Variants in PDLIM5 observed in about 807,000 individuals in gnomAD.
PDLIM5 encodes PDZ and LIM domain 5.
A neutral mutation model predicts 64.2 loss-of-function variants in PDLIM5; 34 were observed. The observed-to-expected ratio is 0.53, with a 90% CI of 0.40 to 0.71. The LOEUF is 0.71. Ranked by LOEUF, PDLIM5 falls within the 30% of genes least tolerant of loss-of-function variation. The pLI, the probability that PDLIM5 is intolerant of heterozygous loss-of-function variation, is 0.00. For synonymous variants in PDLIM5, 253 were observed against 269.1 expected, an observed-to-expected ratio of 0.94 and a Z score of 0.59; for missense variants, 683 against 733.6, an observed-to-expected ratio of 0.93 and a Z score of 0.80.
intron 7 of PDLIM5, among the ~76,000 whole-genome samples, chr4:94,602,486 T>C (rs944419564): frequency 5.9e-5 from 9 of 151,376 alleles, no homozygotes; most frequent in Non-Finnish European, 1.2e-4. Context: ...GGAGTTTCGC[T>C]CTCTCATCCA....
chr4:94,496,821 C>T (rs1018059470), intron 2 of PDLIM5, among the ~76,000 whole-genome samples: 1 of 152,176 alleles, frequency 6.6e-6, no homozygotes. Context: ...AATGAACTGA[C>T]AATTCACTGC....
chr4:94,464,218 T>C (rs1458669792), intron 2 of PDLIM5, among the ~76,000 whole-genome samples: 1 of 152,180 alleles, frequency 6.6e-6, no homozygotes, highest in Non-Finnish European at 1.5e-5. Context: ...TTCCCCAAGG[T>C]CCAGAGATTG....
At chr4:94,534,227 A>C (rs1731128903) in intron 3 of PDLIM5, among the ~76,000 whole-genome samples, 1 of 152,138 alleles carries the variant, frequency 6.6e-6, no homozygotes, top group Non-Finnish European at 1.5e-5. Flanking sequence ...TTTTTCTCTC[A>C]TTTTATATTC....
chr4:94,496,864 A>G (rs1464162762), intron 2 of PDLIM5, among the ~76,000 whole-genome samples: 1 of 152,240 alleles, frequency 6.6e-6, no homozygotes, highest in Admixed American at 6.5e-5. Flanking sequence ...TAATCCTAAA[A>G]ATGAGAGCAT....
intron 2 of PDLIM5, among the ~76,000 whole-genome samples, chr4:94,507,232 G>GAT (rs368977843): frequency 2.9e-4 from 44 of 150,884 alleles, no homozygotes; most frequent in South Asian, 1.5e-3. Flanking sequence ...ATATATATGG[G>GAT]ATATATATAT....
intron 3 of PDLIM5, among the ~76,000 whole-genome samples, chr4:94,529,339 T>C (rs1001001294): frequency 6.6e-5 from 10 of 152,154 alleles, no homozygotes; most frequent in African/African-American, 2.2e-4. Context: ...TCTGCTCTCC[T>C]CCACCTAAGA....
At chr4:94,491,315 C>T (rs1726851159) in intron 2 of PDLIM5, among the ~76,000 whole-genome samples, 1 of 152,128 alleles carries the variant, frequency 6.6e-6, no homozygotes, top group African/African-American at 2.4e-5. Flanking sequence ...AGATTTTTAA[C>T]TCTGACATTG....
chr4:94,587,300 A>G (rs901843359), intron 7 of PDLIM5: 7 of 1,278,622 alleles, frequency 5.5e-6, no homozygotes, highest in Non-Finnish European at 7.0e-6. Flanking sequence ...AAAAAAAAAT[A>G]GAAAATTAAG....
chr4:94,479,019 C>T (rs770943651), intron 2 of PDLIM5, among the ~76,000 whole-genome samples: 1 of 149,738 alleles, frequency 6.7e-6, no homozygotes, highest in Non-Finnish European at 1.5e-5. Context: ...CCTGCCTCAG[C>T]CTTATGAGTA....
intron 2 of PDLIM5, among the ~76,000 whole-genome samples, chr4:94,499,878 T>G (rs1727757047): frequency 6.6e-6 from 1 of 152,276 alleles, no homozygotes; most frequent in African/African-American, 2.4e-5. Context: ...AGGCTCGTTA[T>G]GAGAATCTAA....
chr4:94,519,443 A>G (rs1213552648), intron 2 of PDLIM5, among the ~76,000 whole-genome samples: 3 of 152,210 alleles, frequency 2.0e-5, no homozygotes, highest in Non-Finnish European at 4.4e-5. Flanking sequence ...TAGAGAGGTC[A>G]AGTAAATTCG....
chr4:94,489,513 A>T (rs1035695121), intron 2 of PDLIM5, among the ~76,000 whole-genome samples: 2 of 152,148 alleles, frequency 1.3e-5, no homozygotes, highest in Non-Finnish European at 2.9e-5. Context: ...CAGAATATTC[A>T]GAATATTGAG....
At chr4:94,511,923 G>A (rs1728915007) in intron 2 of PDLIM5, among the ~76,000 whole-genome samples, 1 of 152,088 alleles carries the variant, frequency 6.6e-6, no homozygotes, top group Non-Finnish European at 1.5e-5. Flanking sequence ...TGTGAACACT[G>A]CTGCAACAAA....
At chr4:94,456,023 A>C (rs1200305043) in intron 2 of PDLIM5, 2 of 1,374,200 alleles carry the variant, frequency 1.5e-6, no homozygotes, top group Non-Finnish European at 1.9e-6. Flanking sequence ...GATAGCACTG[A>C]TGAGAGGAGT....
At position 94,602,278 on chromosome 4, in the gene PDLIM5, A is replaced by T. The variant is rs1457045907; in HGVS notation, c.921-15726A>T. On this transcript the variant is annotated intron_variant, in intron 7 of 12. Transcript: ENST00000317968. ...GAAGCATTTAAAATTTTAATTGAAG[A>T]TGCCATTTTTATGTTGTAAAAGAAA... 3.3e-5 allele frequency among the ~76,000 whole-genome samples: 5 copies of T among 152,204 alleles called. No homozygotes were observed. The East Asian group carries it at 9.6e-4, about 29-fold the overall frequency.
chr4:94,623,898 T>C (rs1004643684), intron 8 of PDLIM5, among the ~76,000 whole-genome samples: 1 of 152,320 alleles, frequency 6.6e-6, no homozygotes, highest in East Asian at 1.9e-4. Context: ...AGCATTTAAC[T>C]CTCTTCAGAA....
rs187344828 is a variant in PDLIM5, at chr4:94,502,598, C to T, written c.97-21126C>T. On this transcript the variant is annotated intron_variant, in intron 2 of 12. Transcript: ENST00000317968. The stretch of plus-strand genomic sequence containing the variant: ...TTTATGAGATTAAGTAAGTTAAGGC[C>T]GGGCGCAGTGGCTCACACCTGTAAT... Among the ~76,000 whole-genome samples, 182 of 152,196 alleles carry T rather than the reference C, an allele frequency of 1.2e-3. 1 individual carries two copies. Among genetic ancestry groups the T allele is most frequent in the Admixed American group, 0.01 (159 of 15,270 alleles).
intron 4 of PDLIM5, 88 bp downstream of exon 4, chr4:94,573,481 C>T (rs1734982015): frequency 9.7e-7 from 1 of 1,031,652 alleles, no homozygotes; most frequent in South Asian, 1.3e-5. Flanking sequence ...ACCATACTGA[C>T]ATTCATTTAA....
intron 7 of PDLIM5, among the ~76,000 whole-genome samples, chr4:94,590,564 A>G (rs1223262897): frequency 6.6e-6 from 1 of 152,226 alleles, no homozygotes; most frequent in Non-Finnish European, 1.5e-5. Flanking sequence ...TTAATATAAA[A>G]TAAGTTTGGC....
Sources: gnomAD v4.1 joint callset for allele counts (sites outside exome capture counted in the v4.1 genomes callset) on GRCh38, gnomAD v4.1.1 for gene constraint, MANE v1.5 for transcripts, NCBI Gene and HGNC (gene_info 2026-07-23, HGNC 2026-07-21) for gene names.